Variants in C9 observed in about 807,000 individuals in gnomAD.
C9 encodes the protein complement component C9.
A neutral mutation model predicts 65.4 loss-of-function variants in C9; 63 were observed. The ratio of observed to expected loss-of-function variants is 0.96; its 90% confidence interval spans 0.79 to 1.19. C9 has a LOEUF of 1.19. C9 is among the 50% of genes most tolerant of loss of function. C9 has a pLI of 0.00. For synonymous variants in C9, 229 were observed against 227.9 expected (o/e 1.00, Z -0.04); for missense variants, 744 against 670.1 (o/e 1.11, Z -1.22).
Position 39,311,112 on chromosome 5 carries a change from G to A in C9, c.1111+25C>T, listed in dbSNP as rs780352967. 10 of 1,611,660 alleles carry A rather than the reference G, an allele frequency of 6.2e-6. No individual in the cohort carries two copies. In the Admixed American group the frequency reaches 1.5e-4, roughly 24 times the overall value. On this transcript the variant is annotated intron_variant, in intron 7 of 10. Transcript: ENST00000263408. ...ATGTTTGGTCAAAACAGTATTTGAA[G>A]TCAGAGCTCTATTTCTAGGCATACC...
At chr5:39,289,844 A>G (rs1159651748) in intron 9 of C9, among the ~76,000 whole-genome samples, 2 of 151,930 alleles carry the variant, frequency 1.3e-5, no homozygotes, top group Non-Finnish European at 2.9e-5. Context: ...TCTTATACCA[A>G]TTTAGACAGC....
chr5:39,329,097 AC>A (rs1198120046), intron 5 of C9, among the ~76,000 whole-genome samples: 3 of 152,214 alleles, frequency 2.0e-5, no homozygotes, highest in Non-Finnish European at 4.4e-5. Context: ...TTGTTATTCA[AC>A]AACAAAAGTG....
At chr5:39,325,064 G>T (rs1753725900) in intron 5 of C9, among the ~76,000 whole-genome samples, 1 of 152,234 alleles carries the variant, frequency 6.6e-6, no homozygotes, top group African/African-American at 2.4e-5. Flanking sequence ...AGTTGTGGAG[G>T]TTTGGAGAGC....
intron 1 of C9, among the ~76,000 whole-genome samples, chr5:39,361,336 T>A (rs2111993349): frequency 6.6e-6 from 1 of 152,306 alleles, no homozygotes; most frequent in South Asian, 2.1e-4. Flanking sequence ...ACTTTACATA[T>A]AATAACACAA....
chr5:39,325,559 T>G (rs1337260495), intron 5 of C9, among the ~76,000 whole-genome samples: 1 of 152,050 alleles, frequency 6.6e-6, no homozygotes, highest in Admixed American at 6.6e-5. Flanking sequence ...CGGATCATGA[T>G]GTCAGGAGTT....
At chr5:39,358,603 G>T (rs763111052) in intron 1 of C9, among the ~76,000 whole-genome samples, 2 of 152,180 alleles carry the variant, frequency 1.3e-5, no homozygotes, top group African/African-American at 2.4e-5. Flanking sequence ...GGACAAAAAT[G>T]GAGGCAGGCA....
At chr5:39,310,835 A>G (rs920292254) in intron 7 of C9, among the ~76,000 whole-genome samples, 1 of 152,128 alleles carries the variant, frequency 6.6e-6, no homozygotes, top group African/African-American at 2.4e-5. Flanking sequence ...ACTTTCTTTC[A>G]CCTTTTGTTT....
Position 39,285,209 on chromosome 5 carries a change from T to C in C9, c.1670A>G (p.Asn557Ser), listed in dbSNP as rs138480043. Residue 557 changes from asparagine to serine, a missense_variant, in exon 11 of 11, where the codon AAT (asparagine) becomes AGT (serine). Transcript: ENST00000263408. The stretch of plus-strand genomic sequence containing the variant: ...GAGAAGCCAACAGCTCTATTTTTCA[T>C]TGGGGAACTCTAGGGCTGGCAATCC... ...SEGLPALEFP[N>S]EK The C allele has an allele frequency of 1.4e-4, 219 of 1,612,988 alleles. No individual in the cohort carries two copies. The African/African-American group carries it at 1.4e-3, about 10-fold the overall frequency.
chr5:39,307,049 T>C (rs1196724237), intron 8 of C9, among the ~76,000 whole-genome samples: 1 of 152,186 alleles, frequency 6.6e-6, no homozygotes, highest in Non-Finnish European at 1.5e-5. Context: ...CTAGATACAC[T>C]GATAAATTCA....
chr5:39,304,504 G>A (rs1291743820), intron 9 of C9, among the ~76,000 whole-genome samples: 1 of 152,092 alleles, frequency 6.6e-6, no homozygotes, highest in Non-Finnish European at 1.5e-5. Context: ...TGAATTATGA[G>A]AGTAAAATAA....
intron 10 of C9, 129 bp downstream of exon 10, chr5:39,288,594 A>C (rs1753033358): frequency 1.5e-6 from 1 of 649,332 alleles, no homozygotes; most frequent in Non-Finnish European, 2.8e-6. Context: ...TATTCACTCA[A>C]TCTTTATCTT....
intron 7 of C9, among the ~76,000 whole-genome samples, chr5:39,309,075 A>G (rs1420743829): frequency 6.6e-6 from 1 of 152,154 alleles, no homozygotes; most frequent in Non-Finnish European, 1.5e-5. Context: ...AAGCTGACTC[A>G]TTATGGTGTG....
chr5:39,354,034 G>T (rs1243380000), intron 1 of C9, among the ~76,000 whole-genome samples: 5 of 152,136 alleles, frequency 3.3e-5, no homozygotes, highest in Non-Finnish European at 7.4e-5. Flanking sequence ...TGGCATTTTT[G>T]TAAGCCTGGC....
chr5:39,311,785 CATCAAGAGAGAA>C (rs1753489747), intron 6 of C9, among the ~76,000 whole-genome samples: 1 of 152,008 alleles, frequency 6.6e-6, no homozygotes, highest in African/African-American at 2.4e-5. Flanking sequence ...CTCAAATGTC[CATCAAGAGAGAA>C]ATCAATAAAC....
chr5:39,344,392 T>C (rs686142), intron 1 of C9, among the ~76,000 whole-genome samples: 11,809 of 152,254 alleles, frequency 0.078, 889 homozygotes, highest in African/African-American at 0.19. Context: ...CTTCAGTAGC[T>C]GATTCGATCA....
intron 4 of C9, among the ~76,000 whole-genome samples, chr5:39,333,571 C>CCTCTCCCTCTCCCTCTCCCTCTCT (rs1753884363): frequency 6.9e-6 from 1 of 145,920 alleles, no homozygotes; most frequent in Non-Finnish European, 1.5e-5. Context: ...TCTCCCTCTC[C>CCTCTCCCTCTCCCTCTCCCTCTCT]CTCTCCCTCT....
chr5:39,351,718 T>A (rs992734559), intron 1 of C9, among the ~76,000 whole-genome samples: 2 of 152,148 alleles, frequency 1.3e-5, no homozygotes, highest in African/African-American at 4.8e-5. Context: ...TCTGAGACCA[T>A]CTCAGCCTGG....
intron 5 of C9, among the ~76,000 whole-genome samples, chr5:39,319,566 A>C (rs1018608618): frequency 5.3e-5 from 8 of 152,244 alleles, no homozygotes; most frequent in Non-Finnish European, 8.8e-5. Context: ...GACCTCAAGC[A>C]CCAGGCCAGC....
At chr5:39,336,425 A>T (rs1056093007) in intron 4 of C9, among the ~76,000 whole-genome samples, 2 of 152,162 alleles carry the variant, frequency 1.3e-5, no homozygotes, top group South Asian at 4.1e-4. Flanking sequence ...CCAAAAAGAT[A>T]TTAATTGAAA....
Sources: allele counts gnomAD v4.1 joint callset (sites outside exome capture counted in the v4.1 genomes callset), GRCh38; gene constraint gnomAD v4.1.1; transcripts MANE v1.5; gene names NCBI Gene and HGNC (gene_info 2026-07-23, HGNC 2026-07-21).